The following GPATCH1 variants were observed in gnomAD, a reference collection of about 807,000 sequenced individuals.
GPATCH1 encodes G patch domain-containing protein 1.
A neutral mutation model predicts 114.9 loss-of-function variants in GPATCH1; 73 were observed. The observed-to-expected ratio is 0.64, with a 90% CI of 0.53 to 0.77. The LOEUF is 0.77. Among genes scored for constraint, GPATCH1 ranks in the 30% least tolerant of loss-of-function variants. GPATCH1 has a pLI of 0.00. For synonymous variants in GPATCH1, 391 were observed against 428.4 expected (o/e 0.91, Z 1.08); for missense variants, 1,058 against 1,144.3 (o/e 0.92, Z 1.09).
At chr19:33,095,192 C>T (rs931784041) in intron 5 of GPATCH1, among the ~76,000 whole-genome samples, 2 of 151,564 alleles carry the variant, frequency 1.3e-5, no homozygotes, top group African/African-American at 4.9e-5. Context: ...TTATCTTCCT[C>T]TCACCGTAAT....
At position 33,093,879 on chromosome 19, in the gene GPATCH1, A is replaced by G. The variant is rs577796396; in HGVS notation, c.456-293A>G. On this transcript the variant is annotated intron_variant, in intron 4 of 19. Transcript: ENST00000170564. Reference sequence around the variant, plus strand: ...TTGTGGCCTGATATGGCAGCCTTAGACCTTCAGGGATTCCCAGGCCACATG... The same window carrying G: ...TTGTGGCCTGATATGGCAGCCTTAGGCCTTCAGGGATTCCCAGGCCACATG... Among the ~76,000 whole-genome samples the G allele has an allele frequency of 5.4e-4, 82 of 152,156 alleles. 1 individual carries two copies. Among genetic ancestry groups the G allele is most frequent in the Non-Finnish European group, 7.4e-5 (5 of 68,010 alleles).
At chr19:33,089,547 T>A (rs12977993) in intron 2 of GPATCH1, among the ~76,000 whole-genome samples, 63,118 of 151,904 alleles carry the variant, frequency 0.42, 16,566 homozygotes, top group African/African-American at 0.73. Context: ...TGTGCTGCCA[T>A]AGTGAGCACG....
rs2145301657 is a variant in GPATCH1, at chr19:33,088,158, C to T, written c.98C>T (p.Pro33Leu). 2.6e-6 allele frequency: 4 copies of T among 1,561,394 alleles called. No individual in the cohort carries two copies. Among genetic ancestry groups the T allele is most frequent in the Non-Finnish European group, 3.5e-6 (4 of 1,154,998 alleles). ...GGTGAAAGACCAAAGAAACCAATCC[C>T]TCTTCAGGATCAGACTGTCAGAGAT... ...EEGERPKKPI[P>L]LQDQTVRDEK... The change falls in exon 2 of 20, where the codon CCT becomes CTT. Residue 33 changes from proline to leucine, a missense_variant. By Grantham distance (98) the Pro-to-Leu change is moderately conservative. Coordinates refer to ENST00000170564, the MANE Select transcript of GPATCH1 (RefSeq NM_018025.3).
At chr19:33,085,516 C>A (rs560749006) in intron 1 of GPATCH1, among the ~76,000 whole-genome samples, 177 of 152,194 alleles carry the variant, frequency 1.2e-3, no homozygotes, top group African/African-American at 4.1e-3. Context: ...CTGACTCCCC[C>A]ACCCTTTAAA....
chr19:33,109,801 C>T lies in GPATCH1; in HGVS notation c.1370C>T (p.Ala457Val), dbSNP rs773666485. The T allele has an allele frequency of 6.2e-7, 1 of 1,612,286 alleles. No individual in the cohort carries two copies. The highest frequency in any genetic ancestry group is 1.7e-5 in the Admixed American group (1 of 59,778). The change falls in exon 11 of 20, where the codon GCA (alanine) becomes GTA (valine). Residue 457 changes from alanine (A) to valine (V), a missense_variant. Coordinates refer to ENST00000170564, the MANE Select transcript of GPATCH1 (RefSeq NM_018025.3). ...KEMKQATDLK[A>V]AQLKARSLAQ... is the part of the protein sequence containing the mutation. Reference sequence around the variant, plus strand: ...ATGAAGCAGGCAACTGACCTGAAAGCAGCTCAGCTCAAGGCCAGGAGTCTG... The same window carrying T: ...ATGAAGCAGGCAACTGACCTGAAAGTAGCTCAGCTCAAGGCCAGGAGTCTG...
chr19:33,101,089 C>T (rs149142461), intron 8 of GPATCH1, among the ~76,000 whole-genome samples: 1 of 152,296 alleles, frequency 6.6e-6, no homozygotes, highest in East Asian at 1.9e-4. Flanking sequence ...AGTTCTTCAC[C>T]TAGTTTTACA....
chr19:33,114,333 A>G lies in GPATCH1; in HGVS notation c.2110A>G (p.Arg704Gly). Residue 704 changes from arginine (R) to glycine (G), a missense_variant, in exon 15 of 20, where the codon AGA (arginine) becomes GGA (glycine). Arg to Gly is a moderately radical substitution (Grantham distance 125). Coordinates refer to ENST00000170564, the MANE Select transcript of GPATCH1 (RefSeq NM_018025.3). Reference sequence around the variant, plus strand: ...CATTAGTGAATTTTTAAGTTTGGCTAGATCAAAAGCCGAGCCACCTAAACA... The same window carrying G: ...CATTAGTGAATTTTTAAGTTTGGCTGGATCAAAAGCCGAGCCACCTAAACA... Reference protein sequence around the residue: ...DSISEFLSLARSKAEPPKQQS... With the variant: ...DSISEFLSLAGSKAEPPKQQS... The G allele has an allele frequency of 1.2e-6, 2 of 1,612,968 alleles. No individual in the cohort carries two copies. The highest frequency in any genetic ancestry group is 1.7e-6 in the Non-Finnish European group (2 of 1,179,052).
chr19:33,090,966 C>G, intron 3 of GPATCH1, 101 bp downstream of exon 3: 1 of 713,906 alleles, frequency 1.4e-6, no homozygotes, highest in Non-Finnish European at 2.5e-6. Flanking sequence ...TGTACGATTT[C>G]CTCTTTGTTT....
In GPATCH1 at chr19:33,125,110, C is replaced by T. The variant is rs369292013; in HGVS notation, c.2527C>T (p.Arg843Cys). ...RLPPVFCPNARQTLEVPQKEK... is the reference protein window; with the variant it reads ...RLPPVFCPNACQTLEVPQKEK... ...TTATTACCTTTGTGTTTCAGATGCT[C>T]GTCAGACACTTGAGGTTCCTCAAAA... The change falls in exon 18 of 20, where the codon CGT becomes TGT. Residue 843 changes from arginine (R) to cysteine (C), a missense_variant. Physicochemically the swap from Arg to Cys is radical, Grantham distance 180. Around this residue, in one of 3 missense-constraint regions of GPATCH1, gnomAD observed 893 missense variants for 977.4 expected, o/e 0.91. Transcript: ENST00000170564. 89 of 1,597,098 alleles carry T rather than the reference C, an allele frequency of 5.6e-5. 1 individual carries two copies. Among genetic ancestry groups the T allele is most frequent in the Non-Finnish European group, 7.4e-5 (87 of 1,171,694 alleles).
chr19:33,126,380 G>T (rs1305442576), intron 18 of GPATCH1, among the ~76,000 whole-genome samples: 1 of 152,174 alleles, frequency 6.6e-6, no homozygotes, highest in Non-Finnish European at 1.5e-5. Flanking sequence ...GTTGCTGGAG[G>T]CGCAGCTGGG....
Position 33,111,753 on chromosome 19 carries a change from A to T in GPATCH1, c.1615A>T (p.Met539Leu), listed in dbSNP as rs1178552066. 1 of 1,614,132 alleles carries T rather than the reference A, an allele frequency of 6.2e-7. No individual in the cohort carries two copies. Among genetic ancestry groups the T allele is most frequent in the African/African-American group, 1.3e-5 (1 of 75,056 alleles). Residue 539 changes from methionine to leucine, a missense_variant, in exon 12 of 20, where the codon ATG becomes TTG. Met to Leu is a conservative substitution (Grantham distance 15, BLOSUM62 2). Transcript: ENST00000170564. ...DALERCLDPS[M>L]TEWERGRERD... ...TCTGGAACGCTGTCTGGACCCCAGC[A>T]TGACAGAGTGGGAGCGAGGCCGTGA... is the stretch of plus-strand genomic sequence containing the variant.
intron 1 of GPATCH1, among the ~76,000 whole-genome samples, chr19:33,083,994 G>A (rs1181745668): frequency 6.6e-6 from 1 of 151,938 alleles, no homozygotes; most frequent in Non-Finnish European, 1.5e-5. Context: ...ATTTTTAGTA[G>A]ACACAGGGTT....
rs199987309 is a variant in GPATCH1 at position 33,097,842 on chromosome 19, G to A, written c.940G>A (p.Glu314Lys). 13 of 1,614,032 alleles carry A rather than the reference G, an allele frequency of 8.1e-6. No homozygotes were observed. Among genetic ancestry groups the A allele is most frequent in the Non-Finnish European group, 1.1e-5 (13 of 1,179,920 alleles). The change falls in exon 8 of 20, where the codon GAG becomes AAG. Residue 314 changes from glutamate (E) to lysine (K), a missense_variant. Glu to Lys is a moderately conservative substitution (Grantham distance 56). Around this residue, in one of 3 missense-constraint regions of GPATCH1, gnomAD observed 893 missense variants for 977.4 expected, o/e 0.91. Coordinates refer to ENST00000170564, the MANE Select transcript of GPATCH1 (RefSeq NM_018025.3). ...LSKYDTVLKDEEPGDGLYGWT... is the reference protein window; with the variant it reads ...LSKYDTVLKDKEPGDGLYGWT... ...CAAGTATGACACTGTTCTGAAGGAC[G>A]AGGAGCCTGGAGACGGACTCTATGG...
chr19:33,116,799 G>T (rs1972920958), intron 15 of GPATCH1, among the ~76,000 whole-genome samples: 1 of 152,082 alleles, frequency 6.6e-6, no homozygotes, highest in African/African-American at 2.4e-5. Flanking sequence ...AAAGTGCTGG[G>T]ATTACAGGCG....
intron 4 of GPATCH1, among the ~76,000 whole-genome samples, chr19:33,093,898 C>T (rs1464587798): frequency 6.6e-6 from 1 of 152,142 alleles, no homozygotes; most frequent in Non-Finnish European, 1.5e-5. Flanking sequence ...GATTCCCAGG[C>T]CACATGCTTA....
intron 9 of GPATCH1, among the ~76,000 whole-genome samples, chr19:33,102,670 C>T (rs990777107): frequency 3.3e-5 from 5 of 152,124 alleles, no homozygotes; most frequent in African/African-American, 1.2e-4. Context: ...GCTGGAATTA[C>T]AGGCGTGAGC....
intron 3 of GPATCH1, 74 bp from the exon 4 acceptor site, chr19:33,093,285 A>G (rs1972617320): frequency 1.0e-6 from 1 of 980,312 alleles, no homozygotes; most frequent in Admixed American, 2.7e-5. Flanking sequence ...TTTTTTTAAC[A>G]GAAATAAAAC....
At chr19:33,129,781 T>TA in intron 19 of GPATCH1, among the ~76,000 whole-genome samples, 1 of 152,154 alleles carries the variant, frequency 6.6e-6, no homozygotes, top group South Asian at 2.1e-4. Flanking sequence ...CCATCTGTAC[T>TA]AAAAATACAA....
rs12462638 is a variant in GPATCH1 at position 33,087,700 on chromosome 19, T to G, written c.74-434T>G. Among the ~76,000 whole-genome samples, 308 of 151,182 alleles carry G rather than the reference T, an allele frequency of 2.0e-3. 2 individuals are homozygous for G. The highest frequency in any genetic ancestry group is 4.2e-3 in the African/African-American group (175 of 41,182). ...ACATTATAATTTTTTTTTTTTTTTT[T>G]GGGGGAGAAGTCTCGCTGTGTCTCC... is the stretch of plus-strand genomic sequence containing the variant. On this transcript the variant is annotated intron_variant, in intron 1 of 19. Transcript: ENST00000170564.
Sources: allele counts gnomAD v4.1 joint callset (sites outside exome capture counted in the v4.1 genomes callset), GRCh38; gene constraint gnomAD v4.1.1; regional missense constraint gnomAD v4.1.1; transcripts MANE v1.5; gene names NCBI Gene and HGNC (gene_info 2026-07-23, HGNC 2026-07-21).